UVRAG: variants seen among roughly 807,000 people sequenced by gnomAD.
The protein encoded by UVRAG is UV radiation resistance-associated gene protein.
UVRAG carries 19 observed loss-of-function variants against 78.0 expected under a neutral mutation model. The ratio of observed to expected loss-of-function variants is 0.24; its 90% CI spans 0.17 to 0.36. The LOEUF (loss-of-function observed/expected upper bound fraction) is 0.36, where lower values mean the gene tolerates loss of function less well. UVRAG is among the 10% of genes least tolerant of loss of function. The probability of loss-of-function intolerance (pLI) is 1.00; values close to 1 mark genes in which losing one functional copy is unlikely to be tolerated. For missense variants in UVRAG, 740 were observed against 853.8 expected, an observed-to-expected ratio of 0.87 and a Z score of 1.66; for synonymous variants, 323 against 324.6, an observed-to-expected ratio of 1.00 and a Z score of 0.05.
At chr11:75,928,945 A>AAAC (rs1329997224) in intron 6 of UVRAG, among the ~76,000 whole-genome samples, 1 of 149,436 alleles carries the variant, frequency 6.7e-6, no homozygotes, top group Non-Finnish European at 1.5e-5. Flanking sequence ...GTCTCAAAAA[A>AAAC]AAAAAAAAAA....
At chr11:75,865,219 G>A (rs1027808088) in intron 3 of UVRAG, among the ~76,000 whole-genome samples, 2 of 150,360 alleles carry the variant, frequency 1.3e-5, no homozygotes, top group Admixed American at 6.6e-5. Flanking sequence ...CCTGAGAGGC[G>A]GAGGTTGCGG....
intron 13 of UVRAG, among the ~76,000 whole-genome samples, chr11:76,078,735 TTACTC>T (rs1337971903): frequency 2.8e-4 from 39 of 138,720 alleles, no homozygotes; most frequent in African/African-American, 9.7e-4. Context: ...AACCCTGTCT[TTACTC>T]TACTAAAAAT....
At chr11:76,112,281 A>G (rs1952086054) in intron 13 of UVRAG, among the ~76,000 whole-genome samples, 1 of 152,206 alleles carries the variant, frequency 6.6e-6, no homozygotes, top group African/African-American at 2.4e-5. Flanking sequence ...AATGACAGTA[A>G]AGAAATACTT....
At chr11:76,077,255 C>A (rs568969227) in intron 13 of UVRAG, among the ~76,000 whole-genome samples, 1 of 151,028 alleles carries the variant, frequency 6.6e-6, no homozygotes, top group East Asian at 1.9e-4. Context: ...ATAGTTTTTT[C>A]CAAAAGTTCT....
At chr11:75,934,051 C>CCCATGTTTATCACAA (rs1297756076) in intron 6 of UVRAG, among the ~76,000 whole-genome samples, 5 of 152,114 alleles carry the variant, frequency 3.3e-5, no homozygotes, top group Non-Finnish European at 5.9e-5. Flanking sequence ...TACCTGTACT[C>CCCATGTTTATCACAA]CCATGTTTAT....
At chr11:76,007,161 C>T (rs947281483) in intron 9 of UVRAG, among the ~76,000 whole-genome samples, 5 of 152,074 alleles carry the variant, frequency 3.3e-5, no homozygotes, top group Admixed American at 6.6e-5. Context: ...CGCAGGCATA[C>T]GTCACCAAGC....
At chr11:75,959,244 A>G (rs1948864252) in intron 6 of UVRAG, among the ~76,000 whole-genome samples, 1 of 152,210 alleles carries the variant, frequency 6.6e-6, no homozygotes, top group Admixed American at 6.5e-5. Context: ...CTCTCTAGCT[A>G]TGAAAGTCCT....
At chr11:75,877,464 ACC>A (rs577523996) in intron 3 of UVRAG, among the ~76,000 whole-genome samples, 1 of 120,702 alleles carries the variant, frequency 8.3e-6, no homozygotes, top group Non-Finnish European at 1.7e-5. Flanking sequence ...ACGGGGGGTG[ACC>A]CCCCCACCTC....
chr11:76,046,016 GAAAA>G (rs888074359), intron 12 of UVRAG, among the ~76,000 whole-genome samples: 2 of 150,016 alleles, frequency 1.3e-5, no homozygotes, highest in African/African-American at 4.9e-5. Flanking sequence ...AGCTTGCAGA[GAAAA>G]AAAAATACAT....
At chr11:75,898,102 C>T (rs1019970274) in intron 5 of UVRAG, among the ~76,000 whole-genome samples, 2 of 152,006 alleles carry the variant, frequency 1.3e-5, no homozygotes, top group Non-Finnish European at 2.9e-5. Flanking sequence ...AACTCCTGAC[C>T]TCGTGATCCA....
At position 76,082,279 on chromosome 11, in the gene UVRAG, G is replaced by A. The variant is rs555187165; in HGVS notation, c.1305+16491G>A. Among the ~76,000 whole-genome samples the A allele has an allele frequency of 3.3e-5, 5 of 152,152 alleles. No individual in the cohort carries two copies. The East Asian group carries it at 5.8e-4, about 18-fold the overall frequency. Reference sequence around the variant, plus strand: ...TAGGTGGCTAGGCACGGTGGCTCACGCCTGTAATCCCAGCACTTTGGGAGG... The same window carrying A: ...TAGGTGGCTAGGCACGGTGGCTCACACCTGTAATCCCAGCACTTTGGGAGG... On this transcript the variant is annotated intron_variant, in intron 13 of 14. Transcript: ENST00000356136.
intron 1 of UVRAG, among the ~76,000 whole-genome samples, chr11:75,822,684 A>G (rs1288255950): frequency 1.3e-5 from 2 of 149,878 alleles, no homozygotes; most frequent in Non-Finnish European, 2.9e-5. Flanking sequence ...TTTTTTAAAT[A>G]AACAATATTA....
At chr11:75,843,843 C>T (rs1945970673) in intron 1 of UVRAG, among the ~76,000 whole-genome samples, 1 of 151,870 alleles carries the variant, frequency 6.6e-6, no homozygotes, top group African/African-American at 2.4e-5. Context: ...CCTGTAGTTC[C>T]AGCAACTCAG....
intron 12 of UVRAG, among the ~76,000 whole-genome samples, chr11:76,040,269 C>T (rs1025365774): frequency 2.0e-5 from 3 of 151,558 alleles, no homozygotes; most frequent in Non-Finnish European, 2.9e-5. Context: ...GTCAGGAGAT[C>T]GAGACCATCC....
At chr11:76,045,830 G>A (rs1423021270) in intron 12 of UVRAG, among the ~76,000 whole-genome samples, 1 of 151,830 alleles carries the variant, frequency 6.6e-6, no homozygotes, top group Non-Finnish European at 1.5e-5. Flanking sequence ...AAAAGGGAAG[G>A]TAGGAAGTTA....
At chr11:76,043,267 A>T (rs1344740627) in intron 12 of UVRAG, among the ~76,000 whole-genome samples, 1 of 152,200 alleles carries the variant, frequency 6.6e-6, no homozygotes, top group Non-Finnish European at 1.5e-5. Context: ...GTATCAGATG[A>T]GTTGTTGCTC....
At chr11:75,908,962 A>G (rs1009159818) in intron 5 of UVRAG, among the ~76,000 whole-genome samples, 6 of 151,920 alleles carry the variant, frequency 3.9e-5, no homozygotes, top group African/African-American at 1.2e-4. Flanking sequence ...AAGCCTTCTT[A>G]TTTCTGTAAG....
At chr11:75,820,795 G>A (rs1945369755) in intron 1 of UVRAG, among the ~76,000 whole-genome samples, 1 of 152,120 alleles carries the variant, frequency 6.6e-6, no homozygotes, top group Non-Finnish European at 1.5e-5. Flanking sequence ...GGCCTGGTGA[G>A]TCATGCCTGT....
At chr11:75,818,420 T>A (rs1294009875) in intron 1 of UVRAG, among the ~76,000 whole-genome samples, 2 of 152,182 alleles carry the variant, frequency 1.3e-5, no homozygotes, top group African/African-American at 4.8e-5. Context: ...TAACTTTCCT[T>A]TAAATAATAC....
Sources: allele counts gnomAD v4.1 joint callset (sites outside exome capture counted in the v4.1 genomes callset), GRCh38; gene constraint gnomAD v4.1.1; transcripts MANE v1.5; gene names NCBI Gene and HGNC (gene_info 2026-07-23, HGNC 2026-07-21).